The following CNOT6L variants were observed in gnomAD, a reference collection of about 807,000 sequenced individuals.
CNOT6L encodes the protein CCR4-NOT transcription complex subunit 6 like, also known as CCR4-NOT transcription complex subunit 6-like.
In CNOT6L, 7 loss-of-function variants were observed where a neutral mutation model predicts 64.0. The observed-to-expected ratio is 0.11, with a 90% confidence interval of 0.06 to 0.21. The LOEUF (loss-of-function observed/expected upper bound fraction) is 0.21, where lower values mean the gene tolerates loss of function less well. CNOT6L is among the 10% of genes least tolerant of loss of function. The pLI, the probability that CNOT6L is intolerant of heterozygous loss-of-function variation, is 1.00. For missense variants in CNOT6L, 245 were observed against 669.0 expected, an observed-to-expected ratio of 0.37 and a Z score of 6.99; for synonymous variants, 193 against 243.4, an observed-to-expected ratio of 0.79 and a Z score of 1.93.
intron 4 of CNOT6L, among the ~76,000 whole-genome samples, chr4:77,762,616 CTTCATTTCTAT>C (rs1726368312): frequency 6.6e-6 from 1 of 152,106 alleles, no homozygotes; most frequent in Non-Finnish European, 1.5e-5. Context: ...ACAAATTTGC[CTTCATTTCTAT>C]TGTTAAGTAA....
chr4:77,808,445 G>C (rs1459572169), intron 1 of CNOT6L, among the ~76,000 whole-genome samples: 1 of 147,016 alleles, frequency 6.8e-6, no homozygotes, highest in African/African-American at 2.5e-5. Flanking sequence ...CTGGGTGAGA[G>C]TGGGACTCTG....
chr4:77,813,805 TAA>T (rs1733240497), intron 1 of CNOT6L, among the ~76,000 whole-genome samples: 1 of 152,188 alleles, frequency 6.6e-6, no homozygotes, highest in African/African-American at 2.4e-5. Flanking sequence ...GATGGAAATG[TAA>T]AATACTGCGA....
rs1432973655 is a variant in CNOT6L, at chr4:77,726,157, T to C, written c.1455+10A>G. 1.2e-6 allele frequency: 2 copies of C among 1,612,260 alleles called. No individual in the cohort carries two copies. The highest frequency in any genetic ancestry group is 1.7e-6 in the Non-Finnish European group (2 of 1,178,436). On this transcript the variant is annotated intron_variant, in intron 11 of 11. Coordinates refer to ENST00000504123, the MANE Select transcript of CNOT6L (RefSeq NM_144571.3). ...ATAATTTCTACACCTGCCCAAAGGC[T>C]GCCACTCACTTTGAAATCAAAGGTG...
intron 1 of CNOT6L, among the ~76,000 whole-genome samples, chr4:77,779,063 C>CAAAAAAAAAAAAAAAAAAAAAAA (rs879638003): frequency 1.4e-5 from 1 of 71,272 alleles, no homozygotes; most frequent in Non-Finnish European, 2.7e-5. Flanking sequence ...AAAAAAAAAA[C>CAAAAAAAAAAAAAAAAAAAAAAA]AAAAAAAAAA....
At chr4:77,746,352 T>G (rs1162135594) in intron 6 of CNOT6L, among the ~76,000 whole-genome samples, 2 of 152,218 alleles carry the variant, frequency 1.3e-5, no homozygotes, top group Non-Finnish European at 2.9e-5. Context: ...TTTTTCATTA[T>G]CTAGGCTTGA....
At chr4:77,726,979 T>A (rs915248170) in intron 10 of CNOT6L, among the ~76,000 whole-genome samples, 1 of 152,150 alleles carries the variant, frequency 6.6e-6, no homozygotes, top group African/African-American at 2.4e-5. Flanking sequence ...AAGAGAAGAA[T>A]AGCATTCAGA....
chr4:77,747,489 A>G (rs1224741233), intron 6 of CNOT6L, among the ~76,000 whole-genome samples: 1 of 152,146 alleles, frequency 6.6e-6, no homozygotes, highest in Non-Finnish European at 1.5e-5. Context: ...ATGTAGTACT[A>G]TTCTGTGACT....
intron 8 of CNOT6L, among the ~76,000 whole-genome samples, chr4:77,740,346 G>T (rs1206560963): frequency 6.6e-6 from 1 of 151,998 alleles, no homozygotes; most frequent in Non-Finnish European, 1.5e-5. Context: ...CTCCAGCCTG[G>T]GTGACAGAGT....
rs754603269 is a variant in CNOT6L at position 77,731,447 on chromosome 4, T to G, written c.964A>C (p.Thr322Pro). 2 of 1,612,964 alleles carry G rather than the reference T, an allele frequency of 1.2e-6. No homozygotes were observed. The highest frequency in any genetic ancestry group is 2.2e-5 in the South Asian group (2 of 91,020). The change falls in exon 9 of 12, where the codon ACA becomes CCA. Residue 322 changes from threonine to proline, a missense_variant. Physicochemically the swap from Thr to Pro is conservative, Grantham distance 38 (BLOSUM62 -1). Around this residue, in one of 10 missense-constraint regions of CNOT6L, gnomAD observed 94 missense variants for 290.9 expected, o/e 0.32. Coordinates refer to ENST00000504123, the MANE Select transcript of CNOT6L (RefSeq NM_144571.3). ...GSEAMLNRVMTKDNIGVAVVL... is the reference protein window; with the variant it reads ...GSEAMLNRVMPKDNIGVAVVL... The stretch of plus-strand genomic sequence containing the variant: ...ACAGCGACACCAATGTTATCTTTTG[T>G]CATCACTCTGTTCAGCATAGCTTCG...
intron 7 of CNOT6L, among the ~76,000 whole-genome samples, chr4:77,743,732 G>C (rs1429466355): frequency 3.3e-5 from 5 of 151,482 alleles, no homozygotes; most frequent in African/African-American, 1.2e-4. Flanking sequence ...CTCCCAAGTA[G>C]TTGGGATGAC....
intron 7 of CNOT6L, 123 bp downstream of exon 7, chr4:77,744,595 G>C (rs1247696069): frequency 1.3e-6 from 1 of 778,606 alleles, no homozygotes; most frequent in Non-Finnish European, 1.9e-6. Context: ...ATTTTTAAGA[G>C]GAGAGAAAAC....
intron 1 of CNOT6L, among the ~76,000 whole-genome samples, chr4:77,778,370 A>G (rs1193358498): frequency 6.6e-6 from 1 of 151,328 alleles, no homozygotes; most frequent in East Asian, 2.0e-4. Context: ...AACACCCTAA[A>G]TTTTCAAAAA....
Position 77,767,247 on chromosome 4 carries a change from T to C in CNOT6L, c.400+5834A>G, listed in dbSNP as rs991715904. Among the ~76,000 whole-genome samples the C allele has an allele frequency of 2.0e-5, 3 of 152,084 alleles. No individual in the cohort carries two copies. In the South Asian group the frequency reaches 6.2e-4, roughly 32 times the overall value. On this transcript the variant is annotated intron_variant, in intron 4 of 11. Coordinates refer to ENST00000504123, the MANE Select transcript of CNOT6L (RefSeq NM_144571.3). ...AGCCCAAATTCATGAATAGGATGAT[T>C]GAATACAATTAAGATGTCAATTCTT...
At chr4:77,814,175 A>G (rs1313900031) in intron 1 of CNOT6L, among the ~76,000 whole-genome samples, 1 of 152,184 alleles carries the variant, frequency 6.6e-6, no homozygotes. Flanking sequence ...AAATTGGCCA[A>G]ATCTATAGAG....
chr4:77,802,561 C>T (rs971916596), intron 1 of CNOT6L, among the ~76,000 whole-genome samples: 1 of 152,128 alleles, frequency 6.6e-6, no homozygotes, highest in Non-Finnish European at 1.5e-5. Flanking sequence ...TGAAACTTTC[C>T]CCTCCCTTAT....
At chr4:77,802,553 A>T (rs1731714675) in intron 1 of CNOT6L, among the ~76,000 whole-genome samples, 1 of 152,222 alleles carries the variant, frequency 6.6e-6, no homozygotes, top group African/African-American at 2.4e-5. Context: ...TTATTTCTTG[A>T]AACTTTCCCC....
upstream of CNOT6L, among the ~76,000 whole-genome samples, chr4:77,820,205 A>G (rs952129588): frequency 1.3e-5 from 2 of 152,110 alleles, no homozygotes; most frequent in Non-Finnish European, 2.9e-5. Flanking sequence ...ATTGAGATTA[A>G]TAACAAGGTG....
chr4:77,758,335 T>A (rs1223588601), intron 4 of CNOT6L, among the ~76,000 whole-genome samples: 1 of 152,010 alleles, frequency 6.6e-6, no homozygotes, highest in Non-Finnish European at 1.5e-5. Context: ...TAGACACAGC[T>A]GAAAAGAAAA....
chr4:77,758,370 A>C (rs971159992), intron 4 of CNOT6L, among the ~76,000 whole-genome samples: 2 of 152,354 alleles, frequency 1.3e-5, no homozygotes, highest in Middle Eastern at 3.4e-3. Context: ...AAACAGATTC[A>C]AAGAAAATTA....
Sources: allele counts gnomAD v4.1 joint callset (sites outside exome capture counted in the v4.1 genomes callset), GRCh38; gene constraint gnomAD v4.1.1; regional missense constraint gnomAD v4.1.1; transcripts MANE v1.5; gene names NCBI Gene and HGNC (gene_info 2026-07-23, HGNC 2026-07-21).